FAM110B: variants seen among roughly 807,000 people sequenced by gnomAD.
The protein encoded by FAM110B is family with sequence similarity 110 member B.
FAM110B carries 6 observed loss-of-function variants against 20.4 expected under a neutral mutation model. The ratio of observed to expected loss-of-function variants is 0.29; its 90% CI spans 0.16 to 0.58. The LOEUF is 0.58. Ranked by LOEUF, FAM110B falls within the 20% of genes least tolerant of loss-of-function variation. The pLI is 0.90. For synonymous variants in FAM110B, 226 were observed against 214.1 expected (o/e 1.06, Z -0.49); for missense variants, 434 against 498.2 (o/e 0.87, Z 1.23).
chr8:58,137,533 C>T (rs1803648787), intron 3 of FAM110B, among the ~76,000 whole-genome samples: 1 of 152,032 alleles, frequency 6.6e-6, no homozygotes, highest in African/African-American at 2.4e-5. Context: ...GCACTCCAGC[C>T]TGGGCAACAC....
chr8:58,064,125 G>A (rs539743484), intron 2 of FAM110B, among the ~76,000 whole-genome samples: 15 of 152,250 alleles, frequency 9.9e-5, no homozygotes, highest in African/African-American at 3.6e-4. Context: ...AGTACCAAGG[G>A]TGATGGTACT....
intron 3 of FAM110B, among the ~76,000 whole-genome samples, chr8:58,104,999 CT>C (rs367979721): frequency 0.026 from 3,475 of 135,990 alleles, 60 homozygotes; most frequent in South Asian, 0.11. Context: ...CCATTGCCTT[CT>C]TTTTTTTTTT....
At position 58,146,953 on chromosome 8, in the gene FAM110B, C is replaced by T. The variant is rs749004407; in HGVS notation, c.723C>T (p.Ala241=). The T allele has an allele frequency of 6.8e-6, 11 of 1,614,220 alleles. No homozygotes were observed. The South Asian group carries it at 9.9e-5, about 15-fold the overall frequency. Residue 241 remains alanine (A), a synonymous_variant, in exon 4 of 4, where the codon GCC becomes GCT. Coordinates refer to ENST00000519262, the MANE Select transcript of FAM110B (RefSeq NM_001377989.1). ...TCGCCTCCATGAAGTCCCCCGAGGC[C>T]GACCCTGTGGAACCAGCTTGTGGAG... ...AAIASMKSPE[A]DPVEPACGVS...
rs185167649 is a variant in FAM110B, at chr8:57,995,411, C to T, written c.-512+605C>T. Among the ~76,000 whole-genome samples, 522 of 152,320 alleles carry T rather than the reference C, an allele frequency of 3.4e-3. 4 individuals carry two copies. Among genetic ancestry groups the T allele is most frequent in the African/African-American group, 0.012 (502 of 41,566 alleles). ...TACCCCCTCCAGCTCCTCCCGTGGC[C>T]TCAATTGTCTCTATTTTCTTTGAAA... On this transcript the variant is annotated intron_variant, in intron 1 of 3. Transcript: ENST00000519262.
At chr8:58,098,127 C>A (rs1806680770) in intron 3 of FAM110B, among the ~76,000 whole-genome samples, 1 of 152,244 alleles carries the variant, frequency 6.6e-6, no homozygotes, top group Non-Finnish European at 1.5e-5. Flanking sequence ...TTTAAGTCTG[C>A]TGAAGCTGCA....
chr8:58,076,621 CA>C (rs1456129852), intron 3 of FAM110B, among the ~76,000 whole-genome samples: 1 of 152,110 alleles, frequency 6.6e-6, no homozygotes, highest in African/African-American at 2.4e-5. Flanking sequence ...ATGGTGGGGT[CA>C]AAGTACAGAT....
chr8:58,115,012 T>C (rs1410495482), intron 3 of FAM110B, among the ~76,000 whole-genome samples: 1 of 151,702 alleles, frequency 6.6e-6, no homozygotes, highest in African/African-American at 2.4e-5. Flanking sequence ...AAGTTGTTTT[T>C]TTTTTTTTTC....
intron 1 of FAM110B, among the ~76,000 whole-genome samples, chr8:58,025,885 G>A (rs1804846413): frequency 6.6e-6 from 1 of 152,140 alleles, no homozygotes; most frequent in Admixed American, 6.6e-5. Context: ...TTAGGTCCAT[G>A]TCCTATCCAC....
At chr8:58,105,143 T>C (rs1806876774) in intron 3 of FAM110B, among the ~76,000 whole-genome samples, 1 of 152,068 alleles carries the variant, frequency 6.6e-6, no homozygotes, top group Non-Finnish European at 1.5e-5. Context: ...TTTCTAAGAC[T>C]TTTGCCATTT....
At chr8:58,043,956 G>A (rs1805272670) in intron 2 of FAM110B, among the ~76,000 whole-genome samples, 1 of 152,166 alleles carries the variant, frequency 6.6e-6, no homozygotes, top group Non-Finnish European at 1.5e-5. Context: ...CTATACTGTA[G>A]TGTCTTCAAA....
intron 2 of FAM110B, among the ~76,000 whole-genome samples, chr8:58,040,950 T>C (rs946702572): frequency 2.7e-5 from 4 of 148,850 alleles, no homozygotes; most frequent in Non-Finnish European, 4.5e-5. Context: ...TTTTTTTTTT[T>C]TTTTTTTTGA....
At chr8:58,045,273 A>G (rs550475227) in intron 2 of FAM110B, among the ~76,000 whole-genome samples, 2 of 152,294 alleles carry the variant, frequency 1.3e-5, no homozygotes, top group South Asian at 2.1e-4. Context: ...GCAAAGTGAC[A>G]TATAACCACA....
intron 3 of FAM110B, among the ~76,000 whole-genome samples, chr8:58,098,279 C>T (rs567526648): frequency 2.7e-4 from 41 of 152,344 alleles, no homozygotes; most frequent in Non-Finnish European, 4.7e-4. Flanking sequence ...CTGGCTACAG[C>T]GGCTTTCTCT....
intron 1 of FAM110B, among the ~76,000 whole-genome samples, chr8:58,030,530 T>C (rs1804942368): frequency 6.6e-6 from 1 of 152,236 alleles, no homozygotes; most frequent in South Asian, 2.1e-4. Flanking sequence ...AAGGCGATGA[T>C]AGTGCTGAGG....
At position 58,006,126 on chromosome 8, in the gene FAM110B, C is replaced by T. The variant is rs369394824; in HGVS notation, c.-512+11320C>T. On this transcript the variant is annotated intron_variant, in intron 1 of 3. Transcript: ENST00000519262. ...ATTTCCTGGCACTATTTTGTACTTG[C>T]GTGATGGCTCTGTCAGTTTATGGTT... Among the ~76,000 whole-genome samples, 8 of 152,242 alleles carry T rather than the reference C, an allele frequency of 5.3e-5. No homozygotes were observed. The East Asian group carries it at 9.6e-4, about 18-fold the overall frequency.
chr8:58,128,650 T>C (rs1010518095), intron 3 of FAM110B, among the ~76,000 whole-genome samples: 1 of 152,230 alleles, frequency 6.6e-6, no homozygotes, highest in Non-Finnish European at 1.5e-5. Flanking sequence ...TAAGTATTTG[T>C]CTTTTGCCCT....
chr8:58,130,430 T>G (rs1803422374), intron 3 of FAM110B, among the ~76,000 whole-genome samples: 1 of 152,218 alleles, frequency 6.6e-6, no homozygotes, highest in Admixed American at 6.5e-5. Flanking sequence ...GGGAGGGGAC[T>G]CACATGTTCT....
chr8:58,140,273 T>C (rs144310272), intron 3 of FAM110B, among the ~76,000 whole-genome samples: 1 of 152,290 alleles, frequency 6.6e-6, no homozygotes, highest in Non-Finnish European at 1.5e-5. Context: ...CTCTTGAAAC[T>C]GTCCACTCTT....
chr8:57,997,442 A>G (rs186034699), intron 1 of FAM110B, among the ~76,000 whole-genome samples: 8 of 152,220 alleles, frequency 5.3e-5, no homozygotes, highest in East Asian at 1.9e-4. Context: ...ACTTTATTTT[A>G]TTTTCCCATT....
Sources: allele counts gnomAD v4.1 joint callset (sites outside exome capture counted in the v4.1 genomes callset), GRCh38; gene constraint gnomAD v4.1.1; transcripts MANE v1.5; gene names NCBI Gene and HGNC (gene_info 2026-07-23, HGNC 2026-07-21).